NAV1: variants seen among roughly 807,000 people sequenced by gnomAD.
NAV1 encodes pore membrane and/or filament interacting like protein 3.
In NAV1, 18 loss-of-function variants were observed where a neutral mutation model predicts 175.2. The ratio of observed to expected loss-of-function variants is 0.10; its 90% CI spans 0.07 to 0.15. The LOEUF (loss-of-function observed/expected upper bound fraction) is 0.15, where lower values mean the gene tolerates loss of function less well. NAV1 is among the 10% of genes least tolerant of loss of function. The pLI is 1.00. For synonymous variants in NAV1, 897 were observed against 978.7 expected, an observed-to-expected ratio of 0.92 and a Z score of 1.56; for missense variants, 1,731 against 2,436.6, an observed-to-expected ratio of 0.71 and a Z score of 6.10.
Position 201,808,868 on chromosome 1 carries a change from A to G in NAV1, c.4204A>G (p.Thr1402Ala), listed in dbSNP as rs779906871. ...TTCCTTCGGCCCCAGTCTTGCAGAC[A>G]CAGGTACCTGTGTGGGAGAAGAATC... is the stretch of plus-strand genomic sequence containing the variant. The change falls in exon 20 of 30, where the codon ACA (threonine) becomes GCA (alanine). Residue 1402 changes from threonine to alanine, a missense_variant. Thr to Ala is a moderately conservative substitution (Grantham distance 58, BLOSUM62 0). Around this residue, in one of 13 missense-constraint regions of NAV1, gnomAD observed 122 missense variants for 139.4 expected, o/e 0.88. Coordinates refer to ENST00000367296, the Ensembl canonical transcript of NAV1. This position sits in a 1 kb window ranked among gnomAD's most constrained non-coding sequence, Gnocchi z 5.5. The G allele has an allele frequency of 9.9e-6, 16 of 1,610,808 alleles. No homozygotes were observed. The Admixed American group carries it at 1.0e-4, about 10-fold the overall frequency.
At chr1:201,657,027 A>G (rs985414742) in intron 1 of NAV1, among the ~76,000 whole-genome samples, 12 of 152,282 alleles carry the variant, frequency 7.9e-5, no homozygotes, top group Admixed American at 3.9e-4. Context: ...CTAAACTGTC[A>G]TGGGGTCTAG....
At chr1:201,806,335 C>A (rs1047962887) in intron 17 of NAV1, among the ~76,000 whole-genome samples, 1 of 152,166 alleles carries the variant, frequency 6.6e-6, no homozygotes, top group Non-Finnish European at 1.5e-5. Flanking sequence ...AGATATCCCC[C>A]AGCAAATAAT....
intron 3 of NAV1, among the ~76,000 whole-genome samples, chr1:201,722,783 T>C (rs1217615390): frequency 6.6e-6 from 1 of 152,186 alleles, no homozygotes; most frequent in Non-Finnish European, 1.5e-5. Context: ...TCCCCAACAT[T>C]TACTATTTTC....
chr1:201,600,582 C>G (rs897486237), intron 2 of NAV1, among the ~76,000 whole-genome samples: 1 of 152,038 alleles, frequency 6.6e-6, no homozygotes, highest in Non-Finnish European at 1.5e-5. Context: ...CTGGGTGAAG[C>G]GTAGATGGGA....
At chr1:201,593,476 T>A (rs685982) in intron 2 of NAV1, among the ~76,000 whole-genome samples, 57,654 of 152,146 alleles carry the variant, frequency 0.38, 12,489 homozygotes, top group African/African-American at 0.59. Flanking sequence ...GCAATTAGTC[T>A]GGCCCTGGGG....
chr1:201,826,693 G>A (rs1247653764), exon 30 of NAV1: 1 of 152,200 alleles, frequency 6.6e-6, no homozygotes, highest in Non-Finnish European at 1.5e-5. Context: ...TATATCTAAT[G>A]TAGAAAAAGC....
At chr1:201,623,765 T>C (rs1038599934) in intron 1 of NAV1, among the ~76,000 whole-genome samples, 159 bp downstream of exon 3, 1 of 151,860 alleles carries the variant, frequency 6.6e-6, no homozygotes, top group Non-Finnish European at 1.5e-5. Flanking sequence ...GCCTACAGAG[T>C]TGGGGGCTTG....
intron 10 of NAV1, 22 bp from the exon 15 acceptor site, chr1:201,789,718 T>G (rs1432168394): frequency 1.9e-6 from 3 of 1,613,490 alleles, no homozygotes. Flanking sequence ...TGTTAACTCT[T>G]TGTGTTCTCC....
intron 2 of NAV1, among the ~76,000 whole-genome samples, chr1:201,597,643 C>G (rs1196506718): frequency 3.3e-5 from 5 of 152,252 alleles, no homozygotes; most frequent in Non-Finnish European, 7.3e-5. Flanking sequence ...CCTGCTCCAC[C>G]AGGCTGAGGG....
chr1:201,734,207 A>G (rs1672990509), intron 3 of NAV1, among the ~76,000 whole-genome samples: 1 of 152,044 alleles, frequency 6.6e-6, no homozygotes. Context: ...CAGGAGTTCG[A>G]GACCAGCCTG....
chr1:201,815,578 A>AG (rs1394905363), intron 28 of NAV1, among the ~76,000 whole-genome samples: 3 of 152,122 alleles, frequency 2.0e-5, no homozygotes, highest in Non-Finnish European at 4.4e-5. Flanking sequence ...GAGGCTGGGC[A>AG]GGGGGGTAGG....
At chr1:201,790,412 G>C in intron 11 of NAV1, 142 bp from the exon 16 acceptor site, 1 of 892,492 alleles carries the variant, frequency 1.1e-6, no homozygotes, top group East Asian at 2.5e-5. Context: ...CCAGGGCCAG[G>C]AAACAAGAGT....
At chr1:201,588,276 A>C (rs1667091060) in intron 1 of NAV1, among the ~76,000 whole-genome samples, 9 of 152,222 alleles carry the variant, frequency 5.9e-5, no homozygotes, top group Admixed American at 5.9e-4. Context: ...ATAAATCTTG[A>C]AAACATCTTG....
At chr1:201,594,734 A>C (rs1351563744) in intron 2 of NAV1, among the ~76,000 whole-genome samples, 1 of 152,176 alleles carries the variant, frequency 6.6e-6, no homozygotes, top group African/African-American at 2.4e-5. Flanking sequence ...CTTTCTCTGG[A>C]CAGCCTTGTC....
At chr1:201,773,420 T>C (rs1675721577) in intron 3 of NAV1, among the ~76,000 whole-genome samples, 1 of 152,166 alleles carries the variant, frequency 6.6e-6, no homozygotes, top group African/African-American at 2.4e-5. Context: ...TGCCACACTT[T>C]TGGGTGATTA....
chr1:201,642,204 T>TCC (rs1668786505), intron 2 of NAV1, among the ~76,000 whole-genome samples: 1 of 129,604 alleles, frequency 7.7e-6, no homozygotes, highest in Non-Finnish European at 1.6e-5. Context: ...TTTCTTCCTT[T>TCC]CTTCCTTCCC....
intron 1 of NAV1, among the ~76,000 whole-genome samples, chr1:201,572,842 T>G (rs150150071): frequency 1.6e-4 from 25 of 152,246 alleles, no homozygotes; most frequent in Admixed American, 1.2e-3. Flanking sequence ...GTAGATGCCC[T>G]GGGGTAGGGG....
At chr1:201,712,765 C>T (rs1571900993) in intron 1 of NAV1, 52 bp from the exon 6 acceptor site, 1 of 1,284,810 alleles carries the variant, frequency 7.8e-7, no homozygotes, top group Non-Finnish European at 1.1e-6. Context: ...CCCCCAGGAT[C>T]CCAGCATTAA....
chr1:201,744,306 A>G (rs1484948471), intron 3 of NAV1, among the ~76,000 whole-genome samples: 1 of 130,082 alleles, frequency 7.7e-6, no homozygotes, highest in Non-Finnish European at 1.6e-5. Context: ...ACGGCTATGT[A>G]TGTATGTATG....
Sources: allele counts gnomAD v4.1 joint callset (sites outside exome capture counted in the v4.1 genomes callset), GRCh38; gene constraint gnomAD v4.1.1; regional missense constraint gnomAD v4.1.1; non-coding constraint Gnocchi (gnomAD v3.1); transcripts MANE v1.5; gene names NCBI Gene and HGNC (gene_info 2026-07-23, HGNC 2026-07-21).